The following PLA2G2C variants were observed in gnomAD, a reference collection of about 807,000 sequenced individuals.
PLA2G2C encodes phospholipase A2 group IIC.
PLA2G2C carries 15 observed loss-of-function variants against 14.3 expected under a neutral mutation model. That is an observed-to-expected ratio of 1.05 (90% CI 0.70 to 1.62). PLA2G2C has a LOEUF of 1.62. Ranked by LOEUF, PLA2G2C falls within the 40% of genes most tolerant of loss-of-function variation. The pLI is 0.00. For synonymous variants in PLA2G2C, 79 were observed against 67.7 expected (o/e 1.17, Z -0.82); for missense variants, 162 against 173.2 (o/e 0.94, Z 0.36).
intron 1 of PLA2G2C, among the ~76,000 whole-genome samples, chr1:20,179,934 C>T (rs2018254552): frequency 6.7e-6 from 1 of 149,148 alleles, no homozygotes; most frequent in African/African-American, 2.5e-5. Flanking sequence ...TGTATGTCAC[C>T]TTCTCCCTCT....
At chr1:20,176,069 T>C (rs2100721233) in intron 2 of PLA2G2C, among the ~76,000 whole-genome samples, 1 of 152,136 alleles carries the variant, frequency 6.6e-6, no homozygotes, top group South Asian at 2.1e-4. Context: ...ACTGCCATGC[T>C]TGACTAATTT....
At chr1:20,173,640 C>G (rs1279387328) in intron 3 of PLA2G2C, among the ~76,000 whole-genome samples, 1 of 152,184 alleles carries the variant, frequency 6.6e-6, no homozygotes, top group African/African-American at 2.4e-5. Flanking sequence ...TTCATGGCAC[C>G]CAGAGTTGGC....
At chr1:20,183,771 A>C (rs1441183222) in intron 1 of PLA2G2C, among the ~76,000 whole-genome samples, 1 of 152,198 alleles carries the variant, frequency 6.6e-6, no homozygotes. Context: ...GCATGGGCAA[A>C]GACACTGGAG....
At chr1:20,172,698 A>T in intron 4 of PLA2G2C, 96 bp downstream of exon 4, 2 of 1,014,326 alleles carry the variant, frequency 2.0e-6, no homozygotes, top group Non-Finnish European at 1.5e-6. Flanking sequence ...ACTTGGAAGC[A>T]TTTCATTTTC....
chr1:20,176,827 T>C (rs1444091459), intron 2 of PLA2G2C, among the ~76,000 whole-genome samples: 3 of 152,208 alleles, frequency 2.0e-5, no homozygotes, highest in African/African-American at 7.2e-5. Context: ...CCCAAACTGT[T>C]TCCCAGTAGG....
intron 3 of PLA2G2C, among the ~76,000 whole-genome samples, chr1:20,173,805 C>T (rs1236752372): frequency 2.0e-5 from 3 of 152,238 alleles, no homozygotes; most frequent in Non-Finnish European, 4.4e-5. Context: ...GTCTCCCTCT[C>T]TCACCATTCC....
intron 1 of PLA2G2C, among the ~76,000 whole-genome samples, chr1:20,180,562 C>T (rs1272341424): frequency 1.3e-5 from 2 of 152,234 alleles, no homozygotes; most frequent in South Asian, 4.1e-4. Context: ...GTCCCTTTCT[C>T]CAAGTCCAGT....
rs1292421396 is a variant in PLA2G2C at position 20,163,844 on chromosome 1, T to C, written c.*147A>G. 1.0e-5 allele frequency: 9 copies of C among 882,588 alleles called. No homozygotes were observed. Among genetic ancestry groups the C allele is most frequent in the Non-Finnish European group, 1.5e-5 (9 of 597,900 alleles). 54.7% of individuals were successfully genotyped at this position (882,588 alleles called of 1,614,324 possible). A position where few individuals can be genotyped will look rare whatever the true frequency, so the allele number is the denominator to read the frequency against. On this transcript the variant is annotated 3_prime_UTR_variant, in exon 5 of 5. Coordinates refer to ENST00000679259, the MANE Select transcript of PLA2G2C (RefSeq NM_001367969.2). ...CGACAGGGAGTCCCCTTGGTCAGAA[T>C]GCTGAAGGGTGAGCTGCCCTGCGGG...
chr1:20,174,895 G>A (rs1440663453), intron 3 of PLA2G2C, 112 bp downstream of exon 3: 5 of 1,111,642 alleles, frequency 4.5e-6, no homozygotes, highest in Non-Finnish European at 6.3e-6. Flanking sequence ...CCATTAGCCT[G>A]AGTTGTTTTC....
At chr1:20,164,299 C>CATATGTGTGCATGT (rs2017936440) in intron 4 of PLA2G2C, 142 bp from the exon 5 acceptor site, 3 of 764,102 alleles carry the variant, frequency 3.9e-6, no homozygotes. Flanking sequence ...TACGTGTATG[C>CATATGTGTGCATGT]ATATGTGTGC....
intron 1 of PLA2G2C, among the ~76,000 whole-genome samples, chr1:20,177,701 CTTT>C (rs1557788981): frequency 6.6e-6 from 1 of 151,534 alleles, no homozygotes; most frequent in South Asian, 2.1e-4. Context: ...TTCATCTCTT[CTTT>C]TTTTCTTTTG....
At chr1:20,166,768 G>A (rs1044864041) in intron 4 of PLA2G2C, among the ~76,000 whole-genome samples, 1 of 151,814 alleles carries the variant, frequency 6.6e-6, no homozygotes, top group Non-Finnish European at 1.5e-5. Context: ...TTTCTAATGC[G>A]TGCATCTGAC....
chr1:20,183,484 G>C (rs1317545078), intron 1 of PLA2G2C, among the ~76,000 whole-genome samples: 1 of 152,210 alleles, frequency 6.6e-6, no homozygotes, highest in Non-Finnish European at 1.5e-5. Flanking sequence ...CCTTCACCAG[G>C]GGGAACCCTG....
At chr1:20,176,428 A>G (rs940825346) in intron 2 of PLA2G2C, among the ~76,000 whole-genome samples, 3 of 152,218 alleles carry the variant, frequency 2.0e-5, no homozygotes, top group Non-Finnish European at 4.4e-5. Flanking sequence ...TGCAATAAAA[A>G]TACAACAAAG....
chr1:20,172,342 T>A (rs1254906750), intron 4 of PLA2G2C, among the ~76,000 whole-genome samples: 1 of 152,058 alleles, frequency 6.6e-6, no homozygotes, highest in African/African-American at 2.4e-5. Context: ...CCCCCTTCCC[T>A]TCCCACCTAT....
chr1:20,163,894 G>A lies in PLA2G2C; in HGVS notation c.*97C>T, dbSNP rs1409217332. The stretch of plus-strand genomic sequence containing the variant: ...GAGACATTTTGTCCTCCCTCCCAGT[G>A]GAAGAACAGGGGCCTGTTGGGGATG... On this transcript the variant is annotated 3_prime_UTR_variant, in exon 5 of 5. Coordinates refer to ENST00000679259, the MANE Select transcript of PLA2G2C (RefSeq NM_001367969.2). 1.5e-6 allele frequency: 2 copies of A among 1,346,900 alleles called. No individual in the cohort carries two copies. The highest frequency in any genetic ancestry group is 1.5e-5 in the South Asian group (1 of 66,052). 83.4% of individuals were successfully genotyped at this position (1,346,900 alleles called of 1,614,324 possible).
Position 20,163,608 on chromosome 1 carries a change from T to G in PLA2G2C, c.*383A>C, listed in dbSNP as rs1326491124. The G allele has an allele frequency of 6.2e-6, 1 of 162,246 alleles. No individual in the cohort carries two copies. The highest frequency in any genetic ancestry group is 1.3e-5 in the Non-Finnish European group (1 of 75,178). 10.1% of individuals were successfully genotyped at this position (162,246 alleles called of 1,614,324 possible). A position where few individuals can be genotyped will look rare whatever the true frequency, so the allele number is the denominator to read the frequency against. Reference sequence around the variant, plus strand: ...AGAGTTTGGGGTAGATCCTGGGGCTTCTCCCCTCCTGGAAACCCTGGGATG... The same window carrying G: ...AGAGTTTGGGGTAGATCCTGGGGCTGCTCCCCTCCTGGAAACCCTGGGATG... On this transcript the variant is annotated 3_prime_UTR_variant, in exon 5 of 5. Coordinates refer to ENST00000679259, the MANE Select transcript of PLA2G2C (RefSeq NM_001367969.2).
At chr1:20,165,608 C>A (rs1453155662) in intron 4 of PLA2G2C, among the ~76,000 whole-genome samples, 1 of 152,196 alleles carries the variant, frequency 6.6e-6, no homozygotes, top group African/African-American at 2.4e-5. Context: ...GCCGAGTCAC[C>A]ACTAGATGGG....
chr1:20,177,616 T>A (rs1471866111), intron 1 of PLA2G2C, among the ~76,000 whole-genome samples, 177 bp from the exon 2 acceptor site: 1 of 152,122 alleles, frequency 6.6e-6, no homozygotes, highest in Non-Finnish European at 1.5e-5. Flanking sequence ...ATAAGAAGGG[T>A]TCCATGGTTT....
Sources: gnomAD v4.1 joint callset for allele counts (sites outside exome capture counted in the v4.1 genomes callset) on GRCh38, gnomAD v4.1.1 for gene constraint, MANE v1.5 for transcripts, NCBI Gene and HGNC (gene_info 2026-07-23, HGNC 2026-07-21) for gene names.